The following TP63 variants were observed in gnomAD, a reference collection of about 807,000 sequenced individuals.
TP63 encodes the protein tumor protein 63.
TP63 carries 17 observed loss-of-function variants against 82.8 expected under a neutral mutation model. The observed-to-expected ratio is 0.21, with a 90% confidence interval of 0.14 to 0.31. The LOEUF is 0.31. Ranked by LOEUF, TP63 falls within the 10% of genes least tolerant of loss-of-function variation. The pLI is 1.00. For missense variants in TP63, 648 were observed against 895.3 expected (o/e 0.72, Z 3.52); for synonymous variants, 330 against 321.7 (o/e 1.03, Z -0.28).
At chr3:189,746,366 G>A (rs1464715058) in intron 3 of TP63, among the ~76,000 whole-genome samples, 1 of 151,452 alleles carries the variant, frequency 6.6e-6, no homozygotes, top group African/African-American at 2.4e-5. Context: ...TAAGCCAAAG[G>A]TGAGAGAATT....
rs946951693 is a variant in TP63, at chr3:189,774,084, A to G, written c.325-34188A>G. On this transcript the variant is annotated intron_variant, in intron 3 of 13. Transcript: ENST00000264731. ...ACTACAGGTATCCACCACCACGCCC[A>G]GCTAATTTTTTGTATTTTTAGTAGA... 1.3e-4 allele frequency among the ~76,000 whole-genome samples: 19 copies of G among 150,156 alleles called. No individual in the cohort carries two copies. The East Asian group carries it at 1.8e-3, about 14-fold the overall frequency.
chr3:189,785,634 A>G (rs1158408617), intron 3 of TP63, among the ~76,000 whole-genome samples: 1 of 152,082 alleles, frequency 6.6e-6, no homozygotes, highest in Non-Finnish European at 1.5e-5. Flanking sequence ...AAGGACAAAA[A>G]TAGCCAGCTG....
intron 3 of TP63, among the ~76,000 whole-genome samples, chr3:189,796,183 T>C (rs1725680032): frequency 6.6e-6 from 1 of 152,004 alleles, no homozygotes; most frequent in Non-Finnish European, 1.5e-5. Flanking sequence ...GAATATCCCA[T>C]TTAAAAGCCA....
chr3:189,752,490 T>A (rs1399917127), intron 3 of TP63, among the ~76,000 whole-genome samples: 1 of 152,224 alleles, frequency 6.6e-6, no homozygotes, highest in East Asian at 1.9e-4. Context: ...ATTATCCTTT[T>A]TAATGTAAGT....
intron 4 of TP63, 74 bp from the exon 5 acceptor site, chr3:189,864,158 T>C: frequency 6.3e-7 from 1 of 1,596,082 alleles, no homozygotes; most frequent in Non-Finnish European, 8.6e-7. Context: ...ATTTTCATTG[T>C]TCTGATTTGG....
At chr3:189,663,680 G>T (rs114596012) in intron 1 of TP63, among the ~76,000 whole-genome samples, 142 of 151,390 alleles carry the variant, frequency 9.4e-4, no homozygotes, top group Non-Finnish European at 1.6e-3. Flanking sequence ...GGCACATGCC[G>T]CTATTTTCAG....
chr3:189,717,536 A>G (rs1411838773), intron 1 of TP63, among the ~76,000 whole-genome samples: 1 of 152,188 alleles, frequency 6.6e-6, no homozygotes, highest in Non-Finnish European at 1.5e-5. Flanking sequence ...ACTGAATTTG[A>G]ATTTCTTTAA....
chr3:189,739,150 C>T (rs113214211), intron 3 of TP63, among the ~76,000 whole-genome samples: 3,114 of 152,262 alleles, frequency 0.02, 106 homozygotes, highest in African/African-American at 0.071. Flanking sequence ...GAATCTTACT[C>T]TGTCACCCAG....
intron 4 of TP63, among the ~76,000 whole-genome samples, chr3:189,816,859 C>T (rs10937414): frequency 2.0e-5 from 3 of 151,422 alleles, no homozygotes; most frequent in Admixed American, 6.6e-5. Context: ...TTAAGCCCCC[C>T]ACGTGAAATT....
chr3:189,797,173 G>A (rs1448024969), intron 3 of TP63, among the ~76,000 whole-genome samples: 2 of 152,062 alleles, frequency 1.3e-5, no homozygotes, highest in Non-Finnish European at 2.9e-5. Context: ...CCTTATAAAA[G>A]CTGAAAGAGG....
At chr3:189,670,094 C>T (rs1314285584) in intron 1 of TP63, among the ~76,000 whole-genome samples, 1 of 151,830 alleles carries the variant, frequency 6.6e-6, no homozygotes, top group African/African-American at 2.4e-5. Flanking sequence ...AAAATAGATA[C>T]TTGATAATTG....
At chr3:189,767,001 C>T (rs1350572705) in intron 3 of TP63, among the ~76,000 whole-genome samples, 1 of 152,122 alleles carries the variant, frequency 6.6e-6, no homozygotes, top group Non-Finnish European at 1.5e-5. Flanking sequence ...ATTTTCTTGG[C>T]TGGCACTTTA....
At chr3:189,874,251 T>C (rs1718771066) in intron 10 of TP63, among the ~76,000 whole-genome samples, 1 of 152,112 alleles carries the variant, frequency 6.6e-6, no homozygotes, top group East Asian at 1.9e-4. Context: ...TTGTATTTTT[T>C]AGTAGAGATG....
chr3:189,779,729 G>A (rs555455493), intron 3 of TP63, among the ~76,000 whole-genome samples: 2 of 152,228 alleles, frequency 1.3e-5, no homozygotes, highest in South Asian at 4.1e-4. Flanking sequence ...ATGAACTTGA[G>A]TATGACGTTT....
At chr3:189,762,082 G>A (rs1306257069) in intron 3 of TP63, among the ~76,000 whole-genome samples, 2 of 152,144 alleles carry the variant, frequency 1.3e-5, no homozygotes, top group Admixed American at 1.3e-4. Context: ...ATAGCAGATG[G>A]CAAATGTTTC....
At chr3:189,712,552 C>T (rs2108756253) in intron 1 of TP63, among the ~76,000 whole-genome samples, 1 of 152,202 alleles carries the variant, frequency 6.6e-6, no homozygotes, top group African/African-American at 2.4e-5. Context: ...CACAGCAGCT[C>T]TTTGAGGCCT....
At chr3:189,723,059 G>A (rs921756282) in intron 1 of TP63, among the ~76,000 whole-genome samples, 7 of 152,186 alleles carry the variant, frequency 4.6e-5, no homozygotes, top group African/African-American at 9.7e-5. Context: ...CAAGGAACTG[G>A]CATTTTCCAG....
At chr3:189,693,423 G>A (rs1159876872) in intron 1 of TP63, among the ~76,000 whole-genome samples, 2 of 152,194 alleles carry the variant, frequency 1.3e-5, no homozygotes, top group Non-Finnish European at 2.9e-5. Context: ...AGAACAAGGT[G>A]TGACAGCTTT....
intron 1 of TP63, among the ~76,000 whole-genome samples, chr3:189,691,777 T>A (rs1269623553): frequency 6.6e-6 from 1 of 152,222 alleles, no homozygotes; most frequent in Non-Finnish European, 1.5e-5. Context: ...CCATTCTCTT[T>A]TGTTTTTCTG....
Sources: allele counts gnomAD v4.1 joint callset (sites outside exome capture counted in the v4.1 genomes callset), GRCh38; gene constraint gnomAD v4.1.1; transcripts MANE v1.5; gene names NCBI Gene and HGNC (gene_info 2026-07-23, HGNC 2026-07-21).